The following ATP1A2 variants were observed in gnomAD, a reference collection of about 807,000 sequenced individuals.
ATP1A2 encodes the protein ATPase Na+/K+ transporting subunit alpha 2.
Under a neutral mutation model 113.1 loss-of-function variants are expected in ATP1A2, and 56 were observed. The ratio of observed to expected loss-of-function variants is 0.49; its 90% confidence interval spans 0.40 to 0.62. The LOEUF (loss-of-function observed/expected upper bound fraction) is 0.62. Among genes scored for constraint, ATP1A2 ranks in the 20% least tolerant of loss-of-function variants. The pLI is 0.00. For synonymous variants in ATP1A2, 490 were observed against 526.8 expected (o/e 0.93, Z 0.96); for missense variants, 712 against 1,357.8 (o/e 0.52, Z 7.47).
intron 1 of ATP1A2, 58 bp from the exon 2 acceptor site, chr1:160,120,848 G>T (rs1225455222): frequency 7.3e-5 from 111 of 1,525,578 alleles, no homozygotes; most frequent in Non-Finnish European, 9.7e-5. Flanking sequence ...TGAGTGGTGG[G>T]AATGGAGGCC....
rs1570986343 is a variant in ATP1A2 at position 160,125,494 on chromosome 1, A to C, written c.748+241A>C. 3 of 531,868 alleles carry C rather than the reference A, an allele frequency of 5.6e-6. 1 individual carries two copies. The highest frequency in any genetic ancestry group is 6.6e-5 in the East Asian group (2 of 30,296). The allele number at this position is 531,868 out of a possible 1,614,324, so 32.9% of individuals were successfully genotyped here. On this transcript the variant is annotated intron_variant, in intron 7 of 22. Transcript: ENST00000361216. The stretch of plus-strand genomic sequence containing the variant: ...GGGAGATCTCTGTTCTGTCCACCCC[A>C]AGACTGAGTGGATTTCAAAGCTTTC...
At chr1:160,126,520 A>G (rs1382747048) in intron 7 of ATP1A2, among the ~76,000 whole-genome samples, 2 of 152,150 alleles carry the variant, frequency 1.3e-5, no homozygotes, top group Non-Finnish European at 2.9e-5. Flanking sequence ...CCCAGACTGG[A>G]GTGCAGTGGT....
chr1:160,128,490 A>T (rs770987054), intron 8 of ATP1A2, 162 bp from the exon 9 acceptor site: 2 of 1,536,864 alleles, frequency 1.3e-6, no homozygotes, highest in South Asian at 2.4e-5. Flanking sequence ...CATGATCTCA[A>T]CACATCTAAA....
Position 160,121,261 on chromosome 1 carries a change from G to A in ATP1A2, c.177+10G>A. On this transcript the variant is annotated intron_variant, in intron 3 of 22. Transcript: ENST00000361216. ...AGTGGACCTGTCCAAGGTGAGTGGAGGGGCTTCTAGGGAAGGAACAAAAGA... is the reference window on the plus strand; with the variant it reads ...AGTGGACCTGTCCAAGGTGAGTGGAAGGGCTTCTAGGGAAGGAACAAAAGA... 6.2e-7 allele frequency: 1 copy of A among 1,614,138 alleles called. No individual in the cohort carries two copies. The highest frequency in any genetic ancestry group is 8.5e-7 in the Non-Finnish European group (1 of 1,179,988).
chr1:160,128,091 C>A (rs936969167), intron 8 of ATP1A2, among the ~76,000 whole-genome samples: 2 of 152,152 alleles, frequency 1.3e-5, no homozygotes, highest in African/African-American at 4.8e-5. Flanking sequence ...TCATTCCGTC[C>A]AAGTCTCCTG....
intron 13 of ATP1A2, among the ~76,000 whole-genome samples, chr1:160,130,846 C>G (rs1342592975): frequency 1.3e-5 from 2 of 152,230 alleles, no homozygotes; most frequent in Non-Finnish European, 2.9e-5. Context: ...TTTGTCCCAT[C>G]TGCATGTGTA....
intron 3 of ATP1A2, 132 bp downstream of exon 3, chr1:160,121,383 T>G: frequency 9.2e-7 from 1 of 1,090,812 alleles, no homozygotes; most frequent in Non-Finnish European, 1.4e-6. Flanking sequence ...AAACAAGGAC[T>G]GGCCCAAGGA....
chr1:160,136,375 G>A lies in ATP1A2; in HGVS notation c.2563+5G>A, dbSNP rs763626030. On this transcript the variant is annotated splice_donor_5th_base_variant and intron_variant, in intron 18 of 22. Coordinates refer to ENST00000361216, the MANE Select transcript of ATP1A2 (RefSeq NM_000702.4). ...GCATGGCCTACGGACAGATCGGTGC[G>A]CCAAGCCCCGGGCCTCGGGAGGGAA... 9.9e-6 allele frequency: 16 copies of A among 1,613,796 alleles called. No individual in the cohort carries two copies. The highest frequency in any genetic ancestry group is 5.3e-5 in the African/African-American group (4 of 74,918).
chr1:160,134,797 T>C (rs932066280), intron 14 of ATP1A2, among the ~76,000 whole-genome samples, 177 bp downstream of exon 14: 28 of 152,202 alleles, frequency 1.8e-4, no homozygotes, highest in Admixed American at 5.2e-4. Context: ...TGCCACTGAA[T>C]ACCCATGTAA....
At position 160,135,498 on chromosome 1, in the gene ATP1A2, T is replaced by C; in HGVS notation, c.2180T>C (p.Ile727Thr). 1 of 1,614,188 alleles carries C rather than the reference T, an allele frequency of 6.2e-7. No individual in the cohort carries two copies. Among genetic ancestry groups the C allele is most frequent in the Non-Finnish European group, 8.5e-7 (1 of 1,180,038 alleles). The change falls in exon 16 of 23, where the codon ATT (isoleucine) becomes ACT (threonine). Residue 727 changes from isoleucine to threonine, a missense_variant. Physicochemically the swap from Ile to Thr is moderately conservative, Grantham distance 89. Around this residue, in one of 6 missense-constraint regions of ATP1A2, gnomAD observed 188 missense variants for 438.9 expected, o/e 0.43. Transcript: ENST00000361216. This position sits in a 1 kb window ranked among gnomAD's most constrained non-coding sequence, Gnocchi z 6.3. ...TCCCCTGCATTGAAGAAGGCTGACA[T>C]TGGCATTGCCATGGGCATCTCTGGC... Reference protein sequence around the residue: ...NDSPALKKADIGIAMGISGSD... With the variant: ...NDSPALKKADTGIAMGISGSD...
intron 17 of ATP1A2, 60 bp downstream of exon 17, chr1:160,136,053 G>C (rs1165602510): frequency 6.2e-7 from 1 of 1,613,318 alleles, no homozygotes; most frequent in African/African-American, 1.3e-5. Context: ...CAGTGGCAGG[G>C]AGGAGAGGTG....
At position 160,120,926 on chromosome 1, in the gene ATP1A2, T is replaced by TGCC. The variant is rs1172592755; in HGVS notation, c.37_39dup (p.Ala13dup). 1 of 1,602,584 alleles carries TGCC rather than the reference T, an allele frequency of 6.2e-7. No individual in the cohort carries two copies. Among genetic ancestry groups the TGCC allele is most frequent in the African/African-American group, 1.3e-5 (1 of 74,786 alleles). ...CTCAGGCTGGCCGTGAGTACTCACC[T>TGCC]GCCGCCACCACGGCAGAGAATGGGG... On this transcript the variant is annotated inframe_insertion, in exon 2 of 23. Transcript: ENST00000361216.
In ATP1A2 at chr1:160,123,228, C is replaced by A. The variant is rs121918619; in HGVS notation, c.193C>A (p.Arg65=). ...GCTCCCTCAGGGCCTCACCAACCAG[C>A]GGGCTCAGGACGTTCTGGCTCGAGA... ...VDLSKGLTNQ[R]AQDVLARDGP... The change falls in exon 4 of 23, where the codon CGG becomes AGG. Residue 65 remains arginine, a synonymous_variant. Coordinates refer to ENST00000361216, the MANE Select transcript of ATP1A2 (RefSeq NM_000702.4). 4 of 1,614,074 alleles carry A rather than the reference C, an allele frequency of 2.5e-6. No homozygotes were observed. The highest frequency in any genetic ancestry group is 2.2e-5 in the East Asian group (1 of 44,896).
At chr1:160,130,335 C>T (rs1432756704) in intron 12 of ATP1A2, 44 bp downstream of exon 12, 1 of 1,614,136 alleles carries the variant, frequency 6.2e-7, no homozygotes, top group East Asian at 2.2e-5. Context: ...ATTCCCAAGC[C>T]TCTGCGGCAT....
Position 160,125,148 on chromosome 1 carries a change from T to A in ATP1A2, c.643T>A (p.Ser215Thr). The change falls in exon 7 of 23, where the codon TCC becomes ACC. Residue 215 changes from serine (S) to threonine (T), a missense_variant. Physicochemically the swap from Ser to Thr is moderately conservative, Grantham distance 58. Around this residue, in one of 6 missense-constraint regions of ATP1A2, gnomAD observed 99 missense variants for 180.4 expected, o/e 0.55. Transcript: ENST00000361216. ...SSHGCKVDNSSLTGESEPQTR... is the reference protein window; with the variant it reads ...SSHGCKVDNSTLTGESEPQTR... ...CCTTCCTCCTCAGGTGGATAACTCA[T>A]CCTTAACAGGAGAGTCGGAGCCCCA... 6.2e-7 allele frequency: 1 copy of A among 1,614,100 alleles called. No homozygotes were observed. Among genetic ancestry groups the A allele is most frequent in the African/African-American group, 1.3e-5 (1 of 75,004 alleles).
intron 13 of ATP1A2, among the ~76,000 whole-genome samples, chr1:160,134,148 CCACA>C (rs762466784): frequency 4.2e-5 from 6 of 142,806 alleles, no homozygotes; most frequent in Non-Finnish European, 7.8e-5. Flanking sequence ...CACACATACC[CCACA>C]CACACACACA....
At chr1:160,119,818 C>A (rs1426664572) in intron 1 of ATP1A2, among the ~76,000 whole-genome samples, 1 of 111,058 alleles carries the variant, frequency 9.0e-6, no homozygotes, top group East Asian at 2.5e-4. Context: ...TATAGTGAGA[C>A]CTTATATCTA....
At chr1:160,140,111 G>GA in intron 22 of ATP1A2, 127 bp downstream of exon 22, 1 of 973,844 alleles carries the variant, frequency 1.0e-6, no homozygotes, top group Non-Finnish European at 1.6e-6. Context: ...CTCAGATCCT[G>GA]GGGTCCCAGG....
chr1:160,122,823 TAA>T (rs766749610), intron 3 of ATP1A2, among the ~76,000 whole-genome samples: 1 of 151,518 alleles, frequency 6.6e-6, no homozygotes, highest in Non-Finnish European at 1.5e-5. Flanking sequence ...ATCCATCTCT[TAA>T]AAAAAAATCT....
Sources: gnomAD v4.1 joint callset for allele counts (sites outside exome capture counted in the v4.1 genomes callset) on GRCh38, gnomAD v4.1.1 for gene constraint, gnomAD v4.1.1 regional missense constraint, Gnocchi (gnomAD v3.1) non-coding constraint, MANE v1.5 for transcripts, NCBI Gene and HGNC (gene_info 2026-07-23, HGNC 2026-07-21) for gene names.